Variants in DNAI7 observed in about 807,000 individuals in gnomAD.
The protein encoded by DNAI7 is dynein axonemal intermediate chain 7.
DNAI7 carries 78 observed loss-of-function variants against 86.6 expected under a neutral mutation model. The ratio of observed to expected loss-of-function variants is 0.90; its 90% CI spans 0.75 to 1.09. The LOEUF (loss-of-function observed/expected upper bound fraction) is 1.09. Ranked by LOEUF, DNAI7 falls within the 50% of genes least tolerant of loss-of-function variation. The pLI is 0.00. For synonymous variants in DNAI7, 274 were observed against 273.0 expected, an observed-to-expected ratio of 1.00 and a Z score of -0.04; for missense variants, 753 against 810.2, an observed-to-expected ratio of 0.93 and a Z score of 0.86.
rs149186940 is a variant in DNAI7 at position 25,190,330 on chromosome 12, T to C, written c.21+284A>G. On this transcript the variant is annotated intron_variant, in intron 2 of 15. Coordinates refer to ENST00000395987, the MANE Select transcript of DNAI7 (RefSeq NM_018272.5). ...AAAAGGGGTTCCTAATCCAACATTTTCTAGAGCAGAATTAACAAAAAGCCC... is the reference window on the plus strand; with the variant it reads ...AAAAGGGGTTCCTAATCCAACATTTCCTAGAGCAGAATTAACAAAAAGCCC... Among the ~76,000 whole-genome samples, 6 of 152,288 alleles carry C rather than the reference T, an allele frequency of 3.9e-5. No homozygotes were observed. In the East Asian group the frequency reaches 1.2e-3, roughly 29 times the overall value.
At chr12:25,117,673 ATTAATAT>A (rs939645196) in intron 12 of DNAI7, among the ~76,000 whole-genome samples, 3 of 152,282 alleles carry the variant, frequency 2.0e-5, no homozygotes, top group East Asian at 1.9e-4. Context: ...TTATAATTTT[ATTAATAT>A]TTAAGTTTTG....
intron 2 of DNAI7, among the ~76,000 whole-genome samples, chr12:25,188,673 CAA>C (rs71065918): frequency 0.21 from 26,600 of 127,402 alleles, 2,339 homozygotes; most frequent in Non-Finnish European, 0.26. Flanking sequence ...GACTCTGTCT[CAA>C]AAAAAAAAAA....
rs1209353954 is a variant in DNAI7 at position 25,120,253 on chromosome 12, C to G, written c.1240-952G>C. Among the ~76,000 whole-genome samples, 3 of 146,468 alleles carry G rather than the reference C, an allele frequency of 2.0e-5. No individual in the cohort carries two copies. In the East Asian group the frequency reaches 6.7e-4, roughly 32 times the overall value. The stretch of plus-strand genomic sequence containing the variant: ...GATAGGACTGTGGGTGAGAAGTACC[C>G]AGCAATCTGTGTACAGGTGTGTTAG... On this transcript the variant is annotated intron_variant, in intron 11 of 15. Coordinates refer to ENST00000395987, the MANE Select transcript of DNAI7 (RefSeq NM_018272.5).
chr12:25,107,272 C>A (rs1253764800), downstream of DNAI7, among the ~76,000 whole-genome samples: 2 of 152,018 alleles, frequency 1.3e-5, no homozygotes, highest in African/African-American at 4.8e-5. Context: ...ATGTTATATT[C>A]TATTTTATGT....
At chr12:25,143,237 G>A (rs1294548818) in intron 9 of DNAI7, among the ~76,000 whole-genome samples, 1 of 134,372 alleles carries the variant, frequency 7.4e-6, no homozygotes, top group East Asian at 2.5e-4. Flanking sequence ...TTGCTACAGA[G>A]TCTTCATAAT....
chr12:25,114,108 G>C (rs764734355), intron 13 of DNAI7, among the ~76,000 whole-genome samples: 5 of 151,952 alleles, frequency 3.3e-5, no homozygotes, highest in Non-Finnish European at 7.4e-5. Context: ...ACCACGCCTG[G>C]CTAATTTTTG....
At chr12:25,177,876 G>A (rs1015926385) in intron 2 of DNAI7, among the ~76,000 whole-genome samples, 3 of 152,110 alleles carry the variant, frequency 2.0e-5, no homozygotes, top group Admixed American at 2.0e-4. Context: ...CTAAGAAAGT[G>A]CGCTGTAACC....
chr12:25,187,639 T>C (rs889518624), intron 2 of DNAI7, among the ~76,000 whole-genome samples: 5 of 152,042 alleles, frequency 3.3e-5, no homozygotes, highest in African/African-American at 1.2e-4. Flanking sequence ...TAGCAAAAAA[T>C]AGGGCCAACA....
At chr12:25,145,672 T>C (rs1269406672) in intron 8 of DNAI7, among the ~76,000 whole-genome samples, 2 of 152,168 alleles carry the variant, frequency 1.3e-5, no homozygotes, top group Admixed American at 6.5e-5. Flanking sequence ...AAATAAAGTC[T>C]AGTTTTTTTT....
chr12:25,133,033 G>T (rs1360802312), intron 9 of DNAI7, among the ~76,000 whole-genome samples: 1 of 152,088 alleles, frequency 6.6e-6, no homozygotes, highest in Non-Finnish European at 1.5e-5. Context: ...TGATGCACTG[G>T]TAAGTACGAA....
intron 2 of DNAI7, among the ~76,000 whole-genome samples, chr12:25,176,811 A>T (rs139519016): frequency 1.2e-3 from 176 of 151,680 alleles, no homozygotes; most frequent in African/African-American, 4.1e-3. Flanking sequence ...CTTTCCATAA[A>T]TTTAATGACT....
Position 25,110,198 on chromosome 12 carries a change from G to C in DNAI7, c.1822C>G (p.Leu608Val), listed in dbSNP as rs972506218. Reference protein sequence around the residue: ...EVKAYRQMALLSSAFAFGWSK... With the variant: ...EVKAYRQMALVSSAFAFGWSK... ...CAACCAAATGCAAAAGCAGAACTTAGTAGGGCCATCTGTCGATAAGCTTTC... is the reference window on the plus strand; with the variant it reads ...CAACCAAATGCAAAAGCAGAACTTACTAGGGCCATCTGTCGATAAGCTTTC... The change falls in exon 15 of 16, where the codon CTA becomes GTA. Residue 608 changes from leucine to valine, a missense_variant. By Grantham distance (32) the Leu-to-Val change is conservative. Transcript: ENST00000395987. The C allele has an allele frequency of 2.5e-6, 4 of 1,612,390 alleles. No individual in the cohort carries two copies. Among genetic ancestry groups the C allele is most frequent in the African/African-American group, 2.7e-5 (2 of 74,972 alleles).
At chr12:25,107,836 T>C (rs1379629690), downstream of DNAI7, 9 of 1,613,576 alleles carry the variant, frequency 5.6e-6, no homozygotes, top group South Asian at 9.9e-5. Flanking sequence ...AATAGCTTCC[T>C]GGGCAACAAA....
chr12:25,118,555 G>A (rs1940656067), intron 12 of DNAI7, among the ~76,000 whole-genome samples: 1 of 151,758 alleles, frequency 6.6e-6, no homozygotes, highest in Admixed American at 6.6e-5. Flanking sequence ...GAGCCACCAC[G>A]CCTGGCCTGT....
At chr12:25,180,355 C>T (rs1279465793) in intron 2 of DNAI7, among the ~76,000 whole-genome samples, 1 of 152,156 alleles carries the variant, frequency 6.6e-6, no homozygotes, top group African/African-American at 2.4e-5. Context: ...CTAAAATGAT[C>T]ACACTGCCCA....
In DNAI7 at chr12:25,194,970, C is replaced by T. The variant is rs199738972; in HGVS notation, c.3+106G>A. 15 of 1,614,246 alleles carry T rather than the reference C, an allele frequency of 9.3e-6. No individual in the cohort carries two copies. In the African/African-American group the frequency reaches 1.7e-4, roughly 19 times the overall value. ...GGTATGAGTTATTTCCCAAACCGAC[C>T]CGCTTCGCTGTAAAATATGACTGGC... On this transcript the variant is annotated intron_variant, in intron 1 of 15. Coordinates refer to ENST00000395987, the MANE Select transcript of DNAI7 (RefSeq NM_018272.5).
intron 13 of DNAI7, among the ~76,000 whole-genome samples, chr12:25,112,154 C>T (rs1003556993): frequency 1.1e-4 from 17 of 152,150 alleles, no homozygotes; most frequent in African/African-American, 4.1e-4. Context: ...TCTTTTTGGG[C>T]TTCATCAGAA....
At chr12:25,186,035 C>T (rs1251452620) in intron 2 of DNAI7, among the ~76,000 whole-genome samples, 5 of 152,144 alleles carry the variant, frequency 3.3e-5, no homozygotes, top group Admixed American at 3.3e-4. Context: ...AAATTATTAA[C>T]TGAGACTAAC....
In DNAI7 at chr12:25,144,670, T is replaced by C; in HGVS notation, c.697A>G (p.Ser233Gly). ...ATTTGTGTTTCAGAGAATCTAACAC[T>C]TCTGTGCCTGTTAATAATTAATTAC... The part of the protein sequence containing the change: ...ANLKKNPRHR[S>G]VRFSETQIGF... Residue 233 changes from serine (S) to glycine (G), a missense_variant, in exon 9 of 16, where the codon AGT becomes GGT. By Grantham distance (56) the Ser-to-Gly change is moderately conservative. Coordinates refer to ENST00000395987, the MANE Select transcript of DNAI7 (RefSeq NM_018272.5). 3 of 1,607,506 alleles carry C rather than the reference T, an allele frequency of 1.9e-6. No individual in the cohort carries two copies. In the East Asian group the frequency reaches 6.7e-5, roughly 36 times the overall value.
Sources: gnomAD v4.1 joint callset for allele counts (sites outside exome capture counted in the v4.1 genomes callset) on GRCh38, gnomAD v4.1.1 for gene constraint, MANE v1.5 for transcripts, NCBI Gene and HGNC (gene_info 2026-07-23, HGNC 2026-07-21) for gene names.